Variants in CDC16 observed in about 807,000 individuals in gnomAD.
CDC16 encodes cell division cycle 16, also known as cell division cycle protein 16 homolog.
In CDC16, 34 loss-of-function variants were observed where a neutral mutation model predicts 87.0. The ratio of observed to expected loss-of-function variants is 0.39; its 90% confidence interval spans 0.30 to 0.52. The LOEUF is 0.52. Among genes scored for constraint, CDC16 ranks in the 20% least tolerant of loss-of-function variants. CDC16 has a pLI of 0.74. For missense variants in CDC16, 653 were observed against 751.9 expected (o/e 0.87, Z 1.54); for synonymous variants, 263 against 260.6 (o/e 1.01, Z -0.09).
intron 15 of CDC16, among the ~76,000 whole-genome samples, chr13:114,262,325 C>G (rs879543294): frequency 6.6e-6 from 1 of 152,126 alleles, no homozygotes; most frequent in Non-Finnish European, 1.5e-5. Context: ...TTAGGTTATT[C>G]AAGATTTAAC....
intron 17 of CDC16, among the ~76,000 whole-genome samples, chr13:114,269,420 T>C (rs2083460451): frequency 6.6e-6 from 1 of 152,082 alleles, no homozygotes; most frequent in Admixed American, 6.5e-5. Context: ...GTGTGATTCA[T>C]TGGGGTGGGT....
Position 114,262,983 on chromosome 13 carries a change from A to G in CDC16, c.1481A>G (p.Asn494Ser), listed in dbSNP as rs772910667. 3 of 1,614,050 alleles carry G rather than the reference A, an allele frequency of 1.9e-6. No homozygotes were observed. In the East Asian group the frequency reaches 6.7e-5, roughly 36 times the overall value. The change falls in exon 16 of 18, where the codon AAC (asparagine) becomes AGC (serine). Residue 494 changes from asparagine (N) to serine (S), a missense_variant. Physicochemically the swap from Asn to Ser is conservative, Grantham distance 46 (BLOSUM62 1). Coordinates refer to ENST00000356221, the MANE Select transcript of CDC16 (RefSeq NM_001078645.3). ...AIGYIHSLMGNFENAVDYFHT... is the reference protein window; with the variant it reads ...AIGYIHSLMGSFENAVDYFHT... ...GGATATATCCACAGTCTGATGGGCA[A>G]CTTTGAAAATGCTGTGGACTACTTC...
intron 12 of CDC16, among the ~76,000 whole-genome samples, chr13:114,253,904 G>C (rs983401046): frequency 6.6e-6 from 1 of 152,056 alleles, no homozygotes; most frequent in African/African-American, 2.4e-5. Context: ...AAAGTCTCCA[G>C]ATTTTATTGT....
intron 12 of CDC16, among the ~76,000 whole-genome samples, chr13:114,253,534 AC>A (rs1266779834): frequency 6.6e-6 from 1 of 152,070 alleles, no homozygotes. Context: ...TACTAAAAAT[AC>A]AAAAATTAGC....
In CDC16 at chr13:114,272,355, C is replaced by G. The variant is rs1269572880; in HGVS notation, c.1775C>G (p.Ser592Cys). The G allele has an allele frequency of 6.2e-7, 1 of 1,614,012 alleles. No homozygotes were observed. Among genetic ancestry groups the G allele is most frequent in the South Asian group, 1.1e-5 (1 of 91,082 alleles). ...PLETSRKTPD[S>C]RPSLEETFEI... is the part of the protein sequence containing the mutation. ...GAAACCTCAAGGAAAACTCCAGATTCCAGACCTTCCTTGGAAGAAACCTTT... is the reference window on the plus strand; with the variant it reads ...GAAACCTCAAGGAAAACTCCAGATTGCAGACCTTCCTTGGAAGAAACCTTT... The change falls in exon 18 of 18, where the codon TCC becomes TGC. Residue 592 changes from serine (S) to cysteine (C), a missense_variant. Physicochemically the swap from Ser to Cys is moderately radical, Grantham distance 112 (BLOSUM62 -1). Transcript: ENST00000356221.
rs950390809 is a variant in CDC16 at position 114,235,090 on chromosome 13, C to G, written c.6C>G (p.Asn2Lys). 2 of 1,245,260 alleles carry G rather than the reference C, an allele frequency of 1.6e-6. No individual in the cohort carries two copies. Among genetic ancestry groups the G allele is most frequent in the African/African-American group, 3.1e-5 (2 of 64,464 alleles). The allele number at this position is 1,245,260 out of a possible 1,614,324, so 77.1% of individuals were successfully genotyped here. A position where few individuals can be genotyped will look rare whatever the true frequency, so the allele number is the denominator to read the frequency against. M[N>K]LERLRKRVRQ... ...GAGGCCGGGCCCGCGCCGCCATGAA[C>G]CTAGAGCGGCTGCGGAAGCGCGTCC... Residue 2 changes from asparagine (N) to lysine (K), a missense_variant, in exon 1 of 18, where the codon AAC becomes AAG. By Grantham distance (94) the Asn-to-Lys change is moderately conservative. Transcript: ENST00000356221.
chr13:114,267,517 A>T (rs1451556843), intron 17 of CDC16, among the ~76,000 whole-genome samples: 1 of 152,164 alleles, frequency 6.6e-6, no homozygotes, highest in Non-Finnish European at 1.5e-5. Context: ...AGTGCTACGT[A>T]TTGGTAGTTA....
chr13:114,263,741 C>T (rs188290461), intron 16 of CDC16, among the ~76,000 whole-genome samples: 11 of 151,658 alleles, frequency 7.3e-5, no homozygotes, highest in Non-Finnish European at 1.6e-4. Flanking sequence ...CTTTCCAACT[C>T]TCTCTCTCTC....
Position 114,269,939 on chromosome 13 carries a change from C to T in CDC16, c.1604-2245C>T, listed in dbSNP as rs184052171. ...CAGGCTGGTCTCGAACTCCTGACCT[C>T]GGGTGATCCGCCCGCCTCAGTCTCC... is the stretch of plus-strand genomic sequence containing the variant. On this transcript the variant is annotated intron_variant, in intron 17 of 17. Coordinates refer to ENST00000356221, the MANE Select transcript of CDC16 (RefSeq NM_001078645.3). Among the ~76,000 whole-genome samples, 546 of 152,264 alleles carry T rather than the reference C, an allele frequency of 3.6e-3. 3 individuals are homozygous for T. Among genetic ancestry groups the T allele is most frequent in the African/African-American group, 0.012 (516 of 41,552 alleles).
chr13:114,243,418 CTTATA>C (rs1178309018), intron 7 of CDC16, 70 bp downstream of exon 7: 4 of 764,400 alleles, frequency 5.2e-6, no homozygotes, highest in African/African-American at 3.5e-5. Context: ...GGCATCTAGT[CTTATA>C]TTAAGTTTTC....
At chr13:114,241,276 C>T (rs934493163) in intron 5 of CDC16, among the ~76,000 whole-genome samples, 2 of 152,162 alleles carry the variant, frequency 1.3e-5, no homozygotes, top group Non-Finnish European at 2.9e-5. Flanking sequence ...TATCTTTTTA[C>T]AGATGAGGAT....
rs182559204 is a variant in CDC16, at chr13:114,239,192, C to A, written c.241-158C>A. On this transcript the variant is annotated intron_variant, in intron 4 of 17. Coordinates refer to ENST00000356221, the MANE Select transcript of CDC16 (RefSeq NM_001078645.3). ...TCATGTTTGCTATAAAATACTGATT[C>A]TTCGTTTACCACATGCTGACATGCA... 1.1e-5 allele frequency: 16 copies of A among 1,396,952 alleles called. No homozygotes were observed. In the East Asian group the frequency reaches 3.5e-4, roughly 31 times the overall value. 86.5% of individuals were successfully genotyped at this position (1,396,952 alleles called of 1,614,324 possible).
At chr13:114,237,284 C>A (rs9590492) in intron 3 of CDC16, among the ~76,000 whole-genome samples, 51,855 of 151,490 alleles carry the variant, frequency 0.34, 10,945 homozygotes, top group African/African-American at 0.6. Flanking sequence ...AATTATTTAA[C>A]TTGATGCAAT....
intron 1 of CDC16, among the ~76,000 whole-genome samples, chr13:114,235,598 T>C (rs2081208967): frequency 6.6e-6 from 1 of 152,236 alleles, no homozygotes; most frequent in South Asian, 2.1e-4. Flanking sequence ...ACTATGTCTG[T>C]GTTCTCTGCA....
At position 114,235,074 on chromosome 13, in the gene CDC16, C is replaced by T; in HGVS notation, c.-11C>T. 2 of 1,246,208 alleles carry T rather than the reference C, an allele frequency of 1.6e-6. No individual in the cohort carries two copies. The highest frequency in any genetic ancestry group is 2.0e-6 in the Non-Finnish European group (2 of 996,118). 77.2% of individuals were successfully genotyped at this position (1,246,208 alleles called of 1,614,324 possible). A position where few individuals can be genotyped will look rare whatever the true frequency, so the allele number is the denominator to read the frequency against. ...CGGCGGAGTGTGGCGTGAGGCCGGG[C>T]CCGCGCCGCCATGAACCTAGAGCGG... On this transcript the variant is annotated 5_prime_UTR_variant, in exon 1 of 18. Transcript: ENST00000356221.
chr13:114,238,950 T>A, intron 3 of CDC16, 40 bp from the exon 4 acceptor site: 1 of 1,586,848 alleles, frequency 6.3e-7, no homozygotes, highest in Non-Finnish European at 8.6e-7. Flanking sequence ...AGATACATAT[T>A]ATTTTGACCA....
chr13:114,264,877 G>T (rs536833652), intron 16 of CDC16: 6 of 304,552 alleles, frequency 2.0e-5, no homozygotes, highest in Non-Finnish European at 3.9e-5. Flanking sequence ...CAAAGTGCTG[G>T]GATTACAGGC....
intron 11 of CDC16, chr13:114,247,240 CAAT>C (rs2138953628): frequency 2.1e-6 from 1 of 477,916 alleles, no homozygotes; most frequent in Admixed American, 3.9e-5. Context: ...TGCAGTGGTG[CAAT>C]AATAGCTCAC....
intron 17 of CDC16, among the ~76,000 whole-genome samples, chr13:114,270,273 C>G (rs2083529075): frequency 6.6e-6 from 1 of 152,042 alleles, no homozygotes; most frequent in South Asian, 2.1e-4. Context: ...ATATCCGGAA[C>G]AGGAGGGATT....
Sources: gnomAD v4.1 joint callset for allele counts (sites outside exome capture counted in the v4.1 genomes callset) on GRCh38, gnomAD v4.1.1 for gene constraint, MANE v1.5 for transcripts, NCBI Gene and HGNC (gene_info 2026-07-23, HGNC 2026-07-21) for gene names.